Variants in NEMP2 observed in about 807,000 individuals in gnomAD.
The protein encoded by NEMP2 is nuclear envelope integral membrane protein 2.
A neutral mutation model predicts 54.2 loss-of-function variants in NEMP2; 53 were observed. The observed-to-expected ratio is 0.98, with a 90% CI of 0.78 to 1.23. The LOEUF (loss-of-function observed/expected upper bound fraction) is 1.23. Ranked by LOEUF, NEMP2 falls within the 50% of genes most tolerant of loss-of-function variation. NEMP2 has a pLI of 0.00. For missense variants in NEMP2, 455 were observed against 511.3 expected, an observed-to-expected ratio of 0.89 and a Z score of 1.06; for synonymous variants, 197 against 190.3, an observed-to-expected ratio of 1.04 and a Z score of -0.29.
the NEMP2 span, among the ~76,000 whole-genome samples, chr2:190,572,666 C>CT: frequency 6.6e-6 from 1 of 151,078 alleles, no homozygotes; most frequent in African/African-American, 2.4e-5. Flanking sequence ...ATATCAAGAG[C>CT]TTTTTTCCCA....
At chr2:190,468,787 T>C in the NEMP2 span, among the ~76,000 whole-genome samples, 5 of 152,062 alleles carry the variant, frequency 3.3e-5, no homozygotes, top group Non-Finnish European at 7.4e-5. Flanking sequence ...AAAAGCAAGA[T>C]TAGGAAAATA....
chr2:190,445,498 A>AT, the NEMP2 span, among the ~76,000 whole-genome samples: 2 of 103,730 alleles, frequency 1.9e-5, no homozygotes, highest in African/African-American at 5.9e-5. Context: ...AAAGAACACG[A>AT]ATTTTTTTTT....
chr2:190,558,332 G>T, the NEMP2 span, among the ~76,000 whole-genome samples: 1 of 152,132 alleles, frequency 6.6e-6, no homozygotes, highest in Non-Finnish European at 1.5e-5. This position sits in a 1 kb window ranked among gnomAD's most constrained non-coding sequence, Gnocchi z 4.4. Context: ...GGGGTTAGGG[G>T]CTAGGGGAGG....
chr2:190,582,854 T>A, the NEMP2 span, among the ~76,000 whole-genome samples: 48 of 152,330 alleles, frequency 3.2e-4, no homozygotes, highest in African/African-American at 1.1e-3. The surrounding 1 kb of genome is among the most constrained non-coding windows in gnomAD (Gnocchi z 4.6). Context: ...CAATAACAGA[T>A]CCTCACTTTT....
the NEMP2 span, among the ~76,000 whole-genome samples, chr2:190,488,432 GA>G: frequency 2.0e-5 from 3 of 152,310 alleles, no homozygotes; most frequent in East Asian, 1.9e-4. This position sits in a 1 kb window ranked among gnomAD's most constrained non-coding sequence, Gnocchi z 6.4. Flanking sequence ...TTGTGGTGGT[GA>G]AAAAGTTCTG....
chr2:190,532,310 TG>T (rs1178200813), intron 1 of NEMP2, among the ~76,000 whole-genome samples: 1 of 152,228 alleles, frequency 6.6e-6, no homozygotes, highest in Non-Finnish European at 1.5e-5. Flanking sequence ...TCCAAGAATA[TG>T]AGAATGAAAC....
the NEMP2 span, among the ~76,000 whole-genome samples, chr2:190,590,721 A>T: frequency 6.6e-6 from 1 of 152,094 alleles, no homozygotes; most frequent in African/African-American, 2.4e-5. The surrounding 1 kb of genome is among the most constrained non-coding windows in gnomAD (Gnocchi z 5.1). Flanking sequence ...TGATGTTTTT[A>T]TTTTTCTCCT....
chr2:190,625,868 A>C, the NEMP2 span: 25 of 152,360 alleles, frequency 1.6e-4, no homozygotes, highest in African/African-American at 5.8e-4. Flanking sequence ...AATTTTAGTC[A>C]TAAATTAACA....
At chr2:190,594,211 C>G in the NEMP2 span, among the ~76,000 whole-genome samples, 4 of 152,242 alleles carry the variant, frequency 2.6e-5, no homozygotes, top group South Asian at 2.1e-4. This position sits in a 1 kb window ranked among gnomAD's most constrained non-coding sequence, Gnocchi z 5.6. Context: ...ACAAAGTTGC[C>G]TTCTTCTAAT....
chr2:190,632,724 C>A, the NEMP2 span, among the ~76,000 whole-genome samples: 1 of 152,036 alleles, frequency 6.6e-6, no homozygotes, highest in African/African-American at 2.4e-5. This position sits in a 1 kb window ranked among gnomAD's most constrained non-coding sequence, Gnocchi z 4.8. Context: ...ACTCTATTCC[C>A]AACATTTCCA....
the NEMP2 span, among the ~76,000 whole-genome samples, chr2:190,425,020 T>G: frequency 1.3e-5 from 2 of 152,248 alleles, no homozygotes; most frequent in African/African-American, 4.8e-5. This position sits in a 1 kb window ranked among gnomAD's most constrained non-coding sequence, Gnocchi z 4.3. Context: ...TTTAGCTCTT[T>G]GATTTCTTTC....
At chr2:190,590,314 C>T in the NEMP2 span, among the ~76,000 whole-genome samples, 1 of 152,182 alleles carries the variant, frequency 6.6e-6, no homozygotes, top group Non-Finnish European at 1.5e-5. The surrounding 1 kb of genome is among the most constrained non-coding windows in gnomAD (Gnocchi z 5.1). Context: ...TCTGGCCACA[C>T]CATTATGGCA....
the NEMP2 span, among the ~76,000 whole-genome samples, chr2:190,602,777 A>C: frequency 6.6e-6 from 1 of 152,232 alleles, no homozygotes; most frequent in African/African-American, 2.4e-5. Context: ...TGTTAGAAGA[A>C]GGGATGTCAA....
At chr2:190,619,819 T>G in the NEMP2 span, among the ~76,000 whole-genome samples, 9 of 152,030 alleles carry the variant, frequency 5.9e-5, 1 homozygote, top group Non-Finnish European at 1.0e-4. This position sits in a 1 kb window ranked among gnomAD's most constrained non-coding sequence, Gnocchi z 5.5. Flanking sequence ...GAGTGGGAGA[T>G]GAATATAGGC....
the NEMP2 span, among the ~76,000 whole-genome samples, chr2:190,496,668 A>ATG: frequency 2.0e-5 from 3 of 151,576 alleles, no homozygotes; most frequent in African/African-American, 7.3e-5. The surrounding 1 kb of genome is among the most constrained non-coding windows in gnomAD (Gnocchi z 4.7). Context: ...ATGTGTGTGT[A>ATG]TGTGTGTGTG....
At chr2:190,567,515 C>T in the NEMP2 span, among the ~76,000 whole-genome samples, 1 of 151,992 alleles carries the variant, frequency 6.6e-6, no homozygotes. This position sits in a 1 kb window ranked among gnomAD's most constrained non-coding sequence, Gnocchi z 4.0. Flanking sequence ...ATCCCAAAAG[C>T]TTTCAGAAGA....
the NEMP2 span, among the ~76,000 whole-genome samples, chr2:190,593,694 T>TC: frequency 6.6e-6 from 1 of 152,330 alleles, no homozygotes; most frequent in East Asian, 1.9e-4. This position sits in a 1 kb window ranked among gnomAD's most constrained non-coding sequence, Gnocchi z 4.5. Context: ...TCTCAGCCAC[T>TC]CCCTCTAAGA....
the NEMP2 span, among the ~76,000 whole-genome samples, chr2:190,494,920 T>C: frequency 2.0e-5 from 3 of 152,266 alleles, no homozygotes; most frequent in Non-Finnish European, 4.4e-5. The surrounding 1 kb of genome is among the most constrained non-coding windows in gnomAD (Gnocchi z 5.7). Context: ...GTTGGAAGCA[T>C]TCCCTCTGAA....
chr2:190,469,636 T>G, the NEMP2 span: 3 of 460,882 alleles, frequency 6.5e-6, no homozygotes, highest in Non-Finnish European at 1.0e-5. The surrounding 1 kb of genome is among the most constrained non-coding windows in gnomAD (Gnocchi z 5.3). Context: ...ATGGGTGGTT[T>G]GGGGAAGGAA....
Sources: allele counts gnomAD v4.1 joint callset (sites outside exome capture counted in the v4.1 genomes callset), GRCh38; gene constraint gnomAD v4.1.1; non-coding constraint Gnocchi (gnomAD v3.1); transcripts MANE v1.5; gene names NCBI Gene and HGNC (gene_info 2026-07-23, HGNC 2026-07-21).